The following ATP8A2 variants were observed in gnomAD, a reference collection of about 807,000 sequenced individuals.
ATP8A2 encodes ATPase phospholipid transporting 8A2.
In ATP8A2, 100 loss-of-function variants were observed where a neutral mutation model predicts 165.6. That is an observed-to-expected ratio of 0.60 (90% CI 0.51 to 0.71). The LOEUF (loss-of-function observed/expected upper bound fraction) is 0.71, where lower values mean the gene tolerates loss of function less well. Among genes scored for constraint, ATP8A2 ranks in the 30% least tolerant of loss-of-function variants. The pLI, the probability that ATP8A2 is intolerant of heterozygous loss-of-function variation, is 0.00. For synonymous variants in ATP8A2, 543 were observed against 548.8 expected, an observed-to-expected ratio of 0.99 and a Z score of 0.15; for missense variants, 1,227 against 1,479.5, an observed-to-expected ratio of 0.83 and a Z score of 2.80.
At position 26,020,144 on chromosome 13, in the gene ATP8A2, G is replaced by T. The variant is rs1032346596; in HGVS notation, c.*159G>T. ...CAGTTTGTTAGTTACATATTCCCTC[G>T]CAAACCTGGAGTGCAGACCACAGGG... is the stretch of plus-strand genomic sequence containing the variant. On this transcript the variant is annotated 3_prime_UTR_variant, in exon 37 of 37. Coordinates refer to ENST00000381655, the MANE Select transcript of ATP8A2 (RefSeq NM_016529.6). 9.6e-6 allele frequency: 6 copies of T among 625,340 alleles called. No homozygotes were observed. Among genetic ancestry groups the T allele is most frequent in the Admixed American group, 8.0e-5 (3 of 37,340 alleles). The allele number at this position is 625,340 out of a possible 1,614,324, so 38.7% of individuals were successfully genotyped here.
At chr13:25,647,964 C>A (rs1365797891) in intron 24 of ATP8A2, among the ~76,000 whole-genome samples, 2 of 152,162 alleles carry the variant, frequency 1.3e-5, no homozygotes, top group African/African-American at 4.8e-5. Context: ...GCTGGGATTA[C>A]AGACATGAGC....
At chr13:25,374,936 A>G (rs1290871569) in intron 1 of ATP8A2, among the ~76,000 whole-genome samples, 1 of 152,210 alleles carries the variant, frequency 6.6e-6, no homozygotes, top group Non-Finnish European at 1.5e-5. Flanking sequence ...CAGCTTCAAG[A>G]GTATATGCTG....
At chr13:26,000,067 T>C (rs899596458) in intron 35 of ATP8A2, among the ~76,000 whole-genome samples, 1 of 152,182 alleles carries the variant, frequency 6.6e-6, no homozygotes, top group Admixed American at 6.5e-5. Context: ...GTAAAATAAG[T>C]TGCCAATTGT....
intron 33 of ATP8A2, among the ~76,000 whole-genome samples, chr13:25,896,942 G>T (rs1953573036): frequency 6.6e-6 from 1 of 152,120 alleles, no homozygotes; most frequent in Non-Finnish European, 1.5e-5. Flanking sequence ...CACGTGAGAT[G>T]GGTTTCCTGA....
intron 33 of ATP8A2, among the ~76,000 whole-genome samples, chr13:25,913,963 G>A (rs1954195963): frequency 6.6e-6 from 1 of 152,154 alleles, no homozygotes; most frequent in Non-Finnish European, 1.5e-5. Context: ...TCCCTGAGCA[G>A]TAAAATGAAG....
chr13:25,480,458 C>G (rs1357323021), intron 2 of ATP8A2, among the ~76,000 whole-genome samples: 1 of 148,658 alleles, frequency 6.7e-6, no homozygotes, highest in African/African-American at 2.5e-5. Flanking sequence ...TGGGCAGAGA[C>G]GCTCCTCACC....
At chr13:25,488,374 G>T (rs1358661586) in intron 2 of ATP8A2, among the ~76,000 whole-genome samples, 2 of 152,102 alleles carry the variant, frequency 1.3e-5, no homozygotes, top group African/African-American at 4.8e-5. Context: ...CTGTCCCTGT[G>T]TATTTGACTT....
At chr13:25,754,547 C>G (rs1439450573) in intron 25 of ATP8A2, among the ~76,000 whole-genome samples, 1 of 152,074 alleles carries the variant, frequency 6.6e-6, no homozygotes, top group East Asian at 1.9e-4. Flanking sequence ...TTTAGAAGAA[C>G]TCTAGTTAGA....
At chr13:25,907,030 G>A (rs1953957813) in intron 33 of ATP8A2, among the ~76,000 whole-genome samples, 1 of 152,208 alleles carries the variant, frequency 6.6e-6, no homozygotes, top group Non-Finnish European at 1.5e-5. Context: ...AGGAGTTTGA[G>A]ACCAGCCTGG....
At chr13:25,567,914 T>C (rs191756244) in intron 16 of ATP8A2, among the ~76,000 whole-genome samples, 2 of 152,368 alleles carry the variant, frequency 1.3e-5, no homozygotes, top group Admixed American at 1.3e-4. Context: ...CTTGTTCATT[T>C]TGCCAAAATG....
At chr13:25,762,336 T>C (rs1037456625) in intron 25 of ATP8A2, among the ~76,000 whole-genome samples, 15 of 144,870 alleles carry the variant, frequency 1.0e-4, no homozygotes, top group Non-Finnish European at 1.8e-4. Context: ...AGGATATTTG[T>C]AGAAAATAGA....
chr13:25,555,061 T>G lies in ATP8A2; in HGVS notation c.1256T>G (p.Leu419Arg), dbSNP rs2038941416. 1 of 1,611,848 alleles carries G rather than the reference T, an allele frequency of 6.2e-7. No homozygotes were observed. Residue 419 changes from leucine to arginine, a missense_variant, in exon 13 of 37, where the codon CTT (leucine) becomes CGT (arginine). Coordinates refer to ENST00000381655, the MANE Select transcript of ATP8A2 (RefSeq NM_016529.6). ...AGGACATCAAACCTTAATGAAGAGC[T>G]TGGGCAGGTGAAAAAGCCTCTGGGA... is the stretch of plus-strand genomic sequence containing the variant. ...MARTSNLNEE[L>R]GQVKYLFSDK... is the part of the protein sequence containing the mutation.
In ATP8A2 at chr13:25,563,200, A is replaced by G. The variant is rs576353957; in HGVS notation, c.1398-756A>G. On this transcript the variant is annotated intron_variant, in intron 15 of 36. Transcript: ENST00000381655. ...CGAGGTGGGTGGATCACCTGAGGTC[A>G]GGAGTTTGAGACCAGCCTGACCGAC... 1.4e-3 allele frequency among the ~76,000 whole-genome samples: 217 copies of G among 152,316 alleles called. 1 individual carries two copies. Among genetic ancestry groups the G allele is most frequent in the African/African-American group, 4.4e-3 (184 of 41,566 alleles).
intron 1 of ATP8A2, among the ~76,000 whole-genome samples, chr13:25,409,804 C>T (rs1008143252): frequency 2.2e-4 from 34 of 151,814 alleles, no homozygotes; most frequent in Admixed American, 6.6e-4. Context: ...GGCAGATAGT[C>T]GTGGTTAGGG....
intron 18 of ATP8A2, among the ~76,000 whole-genome samples, chr13:25,572,761 C>T (rs777273302): frequency 4.6e-5 from 7 of 152,140 alleles, no homozygotes; most frequent in African/African-American, 9.7e-5. Context: ...TTGGGGAAGA[C>T]GCAGGGATTA....
intron 9 of ATP8A2, among the ~76,000 whole-genome samples, chr13:25,542,940 A>T (rs2038529855): frequency 6.6e-6 from 1 of 152,072 alleles, no homozygotes; most frequent in African/African-American, 2.4e-5. Flanking sequence ...TAATAATAAT[A>T]CTTCCAATAA....
chr13:25,847,388 G>T lies in ATP8A2; in HGVS notation c.2956+7764G>T, dbSNP rs551418791. 5.3e-5 allele frequency among the ~76,000 whole-genome samples: 8 copies of T among 152,322 alleles called. No homozygotes were observed. In the South Asian group the frequency reaches 6.2e-4, roughly 12 times the overall value. ...AAGCTCTGACTTTAGCTGTTTTCCTGTATTGTGACAGTGCACCTCACACAT... is the reference window on the plus strand; with the variant it reads ...AAGCTCTGACTTTAGCTGTTTTCCTTTATTGTGACAGTGCACCTCACACAT... On this transcript the variant is annotated intron_variant, in intron 30 of 36. Transcript: ENST00000381655.
At chr13:25,595,266 G>A (rs1308314586) in intron 24 of ATP8A2, among the ~76,000 whole-genome samples, 1 of 152,166 alleles carries the variant, frequency 6.6e-6, no homozygotes, top group East Asian at 1.9e-4. Context: ...TTTGCTCAGA[G>A]CAAAGCATTA....
intron 36 of ATP8A2, among the ~76,000 whole-genome samples, chr13:26,017,125 C>T (rs756692614): frequency 9.9e-5 from 15 of 151,638 alleles, no homozygotes; most frequent in Admixed American, 7.2e-4. Flanking sequence ...AGCTTCCCAC[C>T]GGAAGAGTTT....
Sources: gnomAD v4.1 joint callset for allele counts (sites outside exome capture counted in the v4.1 genomes callset) on GRCh38, gnomAD v4.1.1 for gene constraint, MANE v1.5 for transcripts, NCBI Gene and HGNC (gene_info 2026-07-23, HGNC 2026-07-21) for gene names.